Variants in NELL1 observed in about 807,000 individuals in gnomAD.
NELL1 encodes the protein neural EGFL like 1.
Under a neutral mutation model 107.4 loss-of-function variants are expected in NELL1, and 76 were observed. The observed-to-expected ratio is 0.71, with a 90% CI of 0.59 to 0.86. NELL1 has a LOEUF of 0.86. Among genes scored for constraint, NELL1 ranks in the 40% least tolerant of loss-of-function variants. The pLI is 0.00. For synonymous variants in NELL1, 353 were observed against 341.2 expected (o/e 1.03, Z -0.38); for missense variants, 1,024 against 1,005.5 (o/e 1.02, Z -0.25).
chr11:21,119,554 T>C (rs1855317107), intron 13 of NELL1, among the ~76,000 whole-genome samples: 1 of 152,200 alleles, frequency 6.6e-6, no homozygotes, highest in Non-Finnish European at 1.5e-5. Context: ...TCTGTACTTT[T>C]TTGTAGGGAA....
At chr11:21,408,342 G>T (rs4531470) in intron 15 of NELL1, among the ~76,000 whole-genome samples, 26,744 of 151,868 alleles carry the variant, frequency 0.18, 2,921 homozygotes, top group Admixed American at 0.29. Flanking sequence ...TGTAGAGAGA[G>T]TTCCAGAGTT....
chr11:21,312,066 C>T (rs114832158), intron 14 of NELL1, among the ~76,000 whole-genome samples: 2,834 of 152,220 alleles, frequency 0.019, 90 homozygotes, highest in African/African-American at 0.066. Context: ...GACACTGAAT[C>T]TGCCAGCACC....
At chr11:20,928,771 A>G (rs1414902194) in intron 9 of NELL1, among the ~76,000 whole-genome samples, 1 of 152,136 alleles carries the variant, frequency 6.6e-6, no homozygotes, top group Non-Finnish European at 1.5e-5. Context: ...CACTTGTCCA[A>G]CAAGTGGGTG....
At chr11:21,231,872 C>T (rs1858059967) in intron 14 of NELL1, among the ~76,000 whole-genome samples, 1 of 152,082 alleles carries the variant, frequency 6.6e-6, no homozygotes, top group Admixed American at 6.6e-5. Context: ...TTTATAAATG[C>T]TGCATGGGAA....
intron 14 of NELL1, among the ~76,000 whole-genome samples, chr11:21,346,673 T>C (rs565921552): frequency 2.7e-5 from 4 of 148,248 alleles, no homozygotes; most frequent in African/African-American, 9.8e-5. Flanking sequence ...AATATCAAAT[T>C]AAATATATAA....
chr11:21,241,949 G>T (rs556792475), intron 14 of NELL1, among the ~76,000 whole-genome samples: 1 of 139,148 alleles, frequency 7.2e-6, no homozygotes. Flanking sequence ...ACAGCTAGAC[G>T]TTTACTTCCA....
chr11:21,371,610 T>C (rs920674340), intron 15 of NELL1, among the ~76,000 whole-genome samples: 1 of 152,088 alleles, frequency 6.6e-6, no homozygotes, highest in Non-Finnish European at 1.5e-5. Context: ...TCAATGCCAA[T>C]GTATGTGTCA....
At chr11:21,040,098 C>T (rs552493455) in intron 12 of NELL1, among the ~76,000 whole-genome samples, 9 of 151,506 alleles carry the variant, frequency 5.9e-5, no homozygotes, top group East Asian at 5.8e-4. Flanking sequence ...TATTTTTTCC[C>T]GGCTTTTTTT....
intron 2 of NELL1, among the ~76,000 whole-genome samples, chr11:20,697,182 T>C (rs1792984): frequency 0.2 from 30,539 of 152,050 alleles, 3,341 homozygotes; most frequent in African/African-American, 0.25. Context: ...AGTTGAAAAC[T>C]ATTCTAAACA....
At chr11:21,510,082 C>G (rs1243024399) in intron 15 of NELL1, among the ~76,000 whole-genome samples, 1 of 152,190 alleles carries the variant, frequency 6.6e-6, no homozygotes, top group African/African-American at 2.4e-5. Flanking sequence ...ATCTTCGGCA[C>G]TTGAGTTGAA....
chr11:21,063,895 A>G (rs899554854), intron 12 of NELL1, among the ~76,000 whole-genome samples: 2 of 152,222 alleles, frequency 1.3e-5, no homozygotes, highest in African/African-American at 4.8e-5. Context: ...GAAAGCAAAA[A>G]TAAAACAGAT....
intron 13 of NELL1, among the ~76,000 whole-genome samples, chr11:21,198,505 C>T (rs1207028508): frequency 3.3e-5 from 5 of 152,178 alleles, no homozygotes; most frequent in Non-Finnish European, 5.9e-5. Context: ...TTTGTTACTA[C>T]CTGTGAACAT....
chr11:20,830,864 G>A (rs1402688759), intron 3 of NELL1, among the ~76,000 whole-genome samples: 3 of 152,108 alleles, frequency 2.0e-5, no homozygotes, highest in African/African-American at 7.2e-5. Flanking sequence ...ATTCATTTAT[G>A]AGAGATACAC....
intron 13 of NELL1, among the ~76,000 whole-genome samples, chr11:21,221,372 G>A (rs752741667): frequency 2.0e-5 from 3 of 152,110 alleles, no homozygotes; most frequent in Non-Finnish European, 2.9e-5. Context: ...TCTGATTTTA[G>A]TATCAGGGTA....
rs1179087406 is a variant in NELL1 at position 21,236,013 on chromosome 11, C to T, written c.1549+6559C>T. 2.0e-5 allele frequency among the ~76,000 whole-genome samples: 3 copies of T among 152,112 alleles called. No homozygotes were observed. In the East Asian group the frequency reaches 5.8e-4, roughly 29 times the overall value. ...CATCTTTCCCCATTACCTTGCCAGT[C>T]ACACCTGAGAGTTAACTAATCATTC... On this transcript the variant is annotated intron_variant, in intron 14 of 19. Coordinates refer to ENST00000357134, the MANE Select transcript of NELL1 (RefSeq NM_006157.5).
At chr11:21,547,102 C>T (rs992622398) in intron 16 of NELL1, among the ~76,000 whole-genome samples, 1 of 151,666 alleles carries the variant, frequency 6.6e-6, no homozygotes, top group Non-Finnish European at 1.5e-5. Context: ...CATTATAAAT[C>T]AGTAAAACAT....
At chr11:21,430,526 A>G (rs1352708633) in intron 15 of NELL1, among the ~76,000 whole-genome samples, 1 of 152,156 alleles carries the variant, frequency 6.6e-6, no homozygotes, top group Non-Finnish European at 1.5e-5. Flanking sequence ...ATTCAGCACT[A>G]AGCAAACTGG....
chr11:20,718,987 C>T (rs1360242686), intron 2 of NELL1, among the ~76,000 whole-genome samples: 1 of 152,212 alleles, frequency 6.6e-6, no homozygotes, highest in East Asian at 1.9e-4. Context: ...GGTGTTCTGA[C>T]AGAAGGAAAA....
At chr11:21,268,310 T>C (rs1323925822) in intron 14 of NELL1, among the ~76,000 whole-genome samples, 1 of 152,136 alleles carries the variant, frequency 6.6e-6, no homozygotes, top group Non-Finnish European at 1.5e-5. Context: ...CTTCTAAGAA[T>C]GAAAAATTCC....
Sources: allele counts gnomAD v4.1 joint callset (sites outside exome capture counted in the v4.1 genomes callset), GRCh38; gene constraint gnomAD v4.1.1; transcripts MANE v1.5; gene names NCBI Gene and HGNC (gene_info 2026-07-23, HGNC 2026-07-21).